The following SCN9A variants were observed in gnomAD, a reference collection of about 807,000 sequenced individuals.
SCN9A encodes the protein sodium voltage-gated channel alpha subunit 9.
In SCN9A, 131 loss-of-function variants were observed where a neutral mutation model predicts 187.0. The ratio of observed to expected loss-of-function variants is 0.70; its 90% CI spans 0.61 to 0.81. The LOEUF is 0.81. SCN9A is among the 30% of genes least tolerant of loss of function. The probability of loss-of-function intolerance (pLI) is 0.00; values close to 1 mark genes in which losing one functional copy is unlikely to be tolerated. For missense variants in SCN9A, 2,252 were observed against 2,396.6 expected, an observed-to-expected ratio of 0.94 and a Z score of 1.26; for synonymous variants, 809 against 808.6, an observed-to-expected ratio of 1.00 and a Z score of -0.01.
chr2:166,304,646 A>G (rs1456602545), intron 5 of SCN9A, among the ~76,000 whole-genome samples: 1 of 152,128 alleles, frequency 6.6e-6, no homozygotes, highest in Non-Finnish European at 1.5e-5. Context: ...TGAAAATAGT[A>G]TGCTAAGTGT....
At chr2:166,299,635 AG>A (rs1036709296) in intron 7 of SCN9A, among the ~76,000 whole-genome samples, 2 of 150,586 alleles carry the variant, frequency 1.3e-5, no homozygotes, top group African/African-American at 5.0e-5. Flanking sequence ...TTTAAATACC[AG>A]GTTTCCCATT....
At position 166,286,531 on chromosome 2, in the gene SCN9A, G is replaced by T. The variant is rs1259662704; in HGVS notation, c.1407C>A (p.Ser469Arg). ...SESSSETSKL[S>R]SKSAKERRNR... ...TTCTTCTTTCTTTAGCACTTTTAGA[G>T]CTCAGTTTGGATGTTTCAGAAGAAC... The change falls in exon 11 of 27, where the codon AGC (serine) becomes AGA (arginine). Residue 469 changes from serine to arginine, a missense_variant. By Grantham distance (110) the Ser-to-Arg change is moderately radical. Transcript: ENST00000642356. The T allele has an allele frequency of 1.2e-6, 2 of 1,611,748 alleles. No individual in the cohort carries two copies. The highest frequency in any genetic ancestry group is 1.7e-6 in the Non-Finnish European group (2 of 1,179,264).
At chr2:166,305,343 A>G (rs1698719298) in intron 5 of SCN9A, among the ~76,000 whole-genome samples, 1 of 152,168 alleles carries the variant, frequency 6.6e-6, no homozygotes, top group African/African-American at 2.4e-5. Flanking sequence ...CTTAGTAAGC[A>G]GTGACAGCTC....
intron 24 of SCN9A, among the ~76,000 whole-genome samples, chr2:166,207,785 T>C (rs1693885906): frequency 6.6e-6 from 1 of 152,134 alleles, no homozygotes; most frequent in Non-Finnish European, 1.5e-5. Flanking sequence ...TAATATGCAG[T>C]CTTTATGTAA....
chr2:166,305,980 C>A, intron 4 of SCN9A, 60 bp from the exon 5 acceptor site: 1 of 1,588,086 alleles, frequency 6.3e-7, no homozygotes, highest in Non-Finnish European at 8.6e-7. Context: ...CCATGTAAAT[C>A]TTTATAACTT....
At chr2:166,215,221 C>T (rs73017554) in intron 24 of SCN9A, among the ~76,000 whole-genome samples, 17,664 of 151,662 alleles carry the variant, frequency 0.12, 1,321 homozygotes, top group African/African-American at 0.21. Flanking sequence ...AGAAATTATA[C>T]GGAAAAACAG....
At chr2:166,214,596 G>T (rs537478331) in intron 24 of SCN9A, among the ~76,000 whole-genome samples, 1 of 122,596 alleles carries the variant, frequency 8.2e-6, no homozygotes, top group East Asian at 2.5e-4. Flanking sequence ...CTCACTGCAA[G>T]CTCCGCCTCC....
At chr2:166,327,721 T>C (rs1269897988) in intron 1 of SCN9A, among the ~76,000 whole-genome samples, 1 of 152,196 alleles carries the variant, frequency 6.6e-6, no homozygotes, top group African/African-American at 2.4e-5. Flanking sequence ...CTTTATAATC[T>C]TTTTATAATC....
chr2:166,335,685 G>A (rs1699609712), intron 1 of SCN9A, among the ~76,000 whole-genome samples: 1 of 152,126 alleles, frequency 6.6e-6, no homozygotes, highest in Non-Finnish European at 1.5e-5. Context: ...CAGAAGCATA[G>A]TTACTGGAGT....
intron 18 of SCN9A, among the ~76,000 whole-genome samples, chr2:166,250,612 G>A (rs1695991830): frequency 6.6e-6 from 1 of 152,080 alleles, no homozygotes; most frequent in African/African-American, 2.4e-5. Flanking sequence ...TTTTTACCTA[G>A]ATGATACAAT....
chr2:166,281,878 G>T (rs1697507643), intron 12 of SCN9A, 70 bp from the exon 13 acceptor site: 11 of 1,413,970 alleles, frequency 7.8e-6, no homozygotes, highest in Non-Finnish European at 9.6e-6. Flanking sequence ...ATAAAATCTT[G>T]CTTATATAGC....
chr2:166,231,884 T>TA (rs1210952720), intron 21 of SCN9A, among the ~76,000 whole-genome samples: 2 of 152,158 alleles, frequency 1.3e-5, no homozygotes, highest in Non-Finnish European at 2.9e-5. Context: ...ATCTCCGTGT[T>TA]AAATTGCTCA....
chr2:166,308,514 G>C (rs1012402599), intron 2 of SCN9A, among the ~76,000 whole-genome samples: 2 of 152,056 alleles, frequency 1.3e-5, no homozygotes, highest in African/African-American at 4.8e-5. Flanking sequence ...CTTTGCCTTC[G>C]ACCATGATTG....
At chr2:166,371,186 A>G (rs947502420) in intron 1 of SCN9A, among the ~76,000 whole-genome samples, 8 of 152,234 alleles carry the variant, frequency 5.3e-5, no homozygotes, top group Non-Finnish European at 8.8e-5. Context: ...AACAACAACA[A>G]CATATTTTTT....
chr2:166,361,578 T>C (rs895190180), intron 1 of SCN9A, among the ~76,000 whole-genome samples: 17 of 152,028 alleles, frequency 1.1e-4, no homozygotes, highest in African/African-American at 4.1e-4. Context: ...GTGGATACAC[T>C]GAACACACCG....
At chr2:166,264,134 G>C (rs1360287294) in intron 17 of SCN9A, among the ~76,000 whole-genome samples, 1 of 151,974 alleles carries the variant, frequency 6.6e-6, no homozygotes, top group Non-Finnish European at 1.5e-5. Flanking sequence ...AATTGTTGCA[G>C]CTGTGTGAGA....
chr2:166,263,516 A>G (rs949930319), intron 17 of SCN9A, among the ~76,000 whole-genome samples: 4 of 151,988 alleles, frequency 2.6e-5, no homozygotes, highest in African/African-American at 9.7e-5. Context: ...TGATGCCACC[A>G]AATTAAACTC....
At chr2:166,212,246 T>C (rs1694129543) in intron 24 of SCN9A, among the ~76,000 whole-genome samples, 1 of 152,178 alleles carries the variant, frequency 6.6e-6, no homozygotes, top group Non-Finnish European at 1.5e-5. Flanking sequence ...TGACCCTCTG[T>C]ATCTGTGGAT....
Position 166,198,014 on chromosome 2 carries a change from G to A in SCN9A, c.*658C>T, listed in dbSNP as rs1693293239. On this transcript the variant is annotated 3_prime_UTR_variant, in exon 27 of 27. Coordinates refer to ENST00000642356, the MANE Select transcript of SCN9A (RefSeq NM_001365536.1). ...AAGTCTTATCCTTGTTGGCATGTGA[G>A]TCAAGATGAATGAAAAACATTTGTA... is the stretch of plus-strand genomic sequence containing the variant. 2 of 152,120 alleles carry A rather than the reference G, an allele frequency of 1.3e-5. No individual in the cohort carries two copies. The highest frequency in any genetic ancestry group is 1.3e-4 in the Admixed American group (2 of 15,264). The allele number at this position is 152,120 out of a possible 1,614,324, so 9.4% of individuals were successfully genotyped here. A position where few individuals can be genotyped will look rare whatever the true frequency, so the allele number is the denominator to read the frequency against.
Sources: gnomAD v4.1 joint callset for allele counts (sites outside exome capture counted in the v4.1 genomes callset) on GRCh38, gnomAD v4.1.1 for gene constraint, MANE v1.5 for transcripts, NCBI Gene and HGNC (gene_info 2026-07-23, HGNC 2026-07-21) for gene names.